The following SNX27 variants were observed in gnomAD, a reference collection of about 807,000 sequenced individuals.
SNX27 encodes sorting nexin-27.
A neutral mutation model predicts 71.6 loss-of-function variants in SNX27; 22 were observed. That is an observed-to-expected ratio of 0.31 (90% CI 0.22 to 0.44). SNX27 has a LOEUF of 0.44. SNX27 is among the 20% of genes least tolerant of loss of function. The pLI is 1.00. For synonymous variants in SNX27, 269 were observed against 277.2 expected, an observed-to-expected ratio of 0.97 and a Z score of 0.29; for missense variants, 531 against 698.6, an observed-to-expected ratio of 0.76 and a Z score of 2.70.
At chr1:151,668,361 A>C in intron 6 of SNX27, 111 bp from the exon 7 acceptor site, 1 of 971,636 alleles carries the variant, frequency 1.0e-6, no homozygotes, top group Non-Finnish European at 1.5e-6. Flanking sequence ...ATTTGAGATG[A>C]TGTTCTGGTT....
chr1:151,693,649 T>G, intron 11 of SNX27, 166 bp downstream of exon 11: 1 of 1,613,144 alleles, frequency 6.2e-7, no homozygotes. Context: ...TCCAGCAAGG[T>G]TGGCCTCTGG....
intron 2 of SNX27, among the ~76,000 whole-genome samples, chr1:151,651,045 C>T (rs974359336): frequency 3.3e-5 from 5 of 152,052 alleles, no homozygotes; most frequent in Admixed American, 1.3e-4. Context: ...CAATCTTTTC[C>T]CCACCTTTCC....
intron 1 of SNX27, among the ~76,000 whole-genome samples, chr1:151,625,399 G>A (rs1211811530): frequency 2.0e-5 from 3 of 151,882 alleles, no homozygotes; most frequent in African/African-American, 7.3e-5. Flanking sequence ...CTAACTACTG[G>A]GGAGGCTGAG....
chr1:151,648,906 A>G (rs1037968419), intron 2 of SNX27, among the ~76,000 whole-genome samples: 3 of 148,932 alleles, frequency 2.0e-5, no homozygotes, highest in Admixed American at 6.7e-5. Context: ...TATTCGAAAG[A>G]TTTTTTCAGG....
intron 7 of SNX27, among the ~76,000 whole-genome samples, chr1:151,674,674 C>G (rs1214178359): frequency 6.6e-6 from 1 of 151,682 alleles, no homozygotes; most frequent in Non-Finnish European, 1.5e-5. Flanking sequence ...AGGAAAGGAT[C>G]TCAGAATTTG....
chr1:151,634,299 G>T (rs1243121281), intron 1 of SNX27, among the ~76,000 whole-genome samples: 2 of 152,128 alleles, frequency 1.3e-5, no homozygotes, highest in South Asian at 2.1e-4. Context: ...TATTACTTTC[G>T]TGCATGTCAC....
rs1349169089 is a variant in SNX27 at position 151,641,682 on chromosome 1, CTGATATATATATCATATATA to C, written c.543+2575_543+2594del. Among the ~76,000 whole-genome samples the C allele has an allele frequency of 4.0e-5, 5 of 124,118 alleles. No individual in the cohort carries two copies. The South Asian group carries it at 7.8e-4, about 19-fold the overall frequency. The allele number at this position is 124,118 out of a possible 152,430, so 81.4% of individuals were successfully genotyped here. A position where few individuals can be genotyped will look rare whatever the true frequency, so the allele number is the denominator to read the frequency against. ...TATCAGATATATATATCATATATAT[CTGATATATATATCATATATA>C]TGATATATATAGCATATGATATATA... On this transcript the variant is annotated intron_variant, in intron 2 of 11. Transcript: ENST00000458013.
At chr1:151,641,904 G>GAT (rs1329013083) in intron 2 of SNX27, among the ~76,000 whole-genome samples, 2 of 132,470 alleles carry the variant, frequency 1.5e-5, no homozygotes, top group African/African-American at 6.0e-5. Flanking sequence ...ATATATATGA[G>GAT]ATATATATAT....
At position 151,612,880 on chromosome 1, in the gene SNX27, TACTG is replaced by T. The variant is rs1456920277; in HGVS notation, c.311+371_311+374del. ...CTCAGAAGGAACCTCATCTGCTCCT[TACTG>T]ACGGCGTTTCGTTTTCTGATCCAGC... On this transcript the variant is annotated intron_variant, in intron 1 of 11. Transcript: ENST00000458013. The surrounding 1 kb of genome is among the most constrained non-coding windows in gnomAD (Gnocchi z 5.2). Among the ~76,000 whole-genome samples the T allele has an allele frequency of 6.6e-6, 1 of 152,080 alleles. No individual in the cohort carries two copies.
chr1:151,652,083 CG>C (rs1243470969), intron 2 of SNX27, among the ~76,000 whole-genome samples: 1 of 152,012 alleles, frequency 6.6e-6, no homozygotes, highest in African/African-American at 2.4e-5. Context: ...CGCAGGCACT[CG>C]GCAGGCTGAG....
chr1:151,636,809 C>A (rs1443876941), intron 1 of SNX27, among the ~76,000 whole-genome samples: 3 of 151,760 alleles, frequency 2.0e-5, no homozygotes, highest in African/African-American at 7.3e-5. Flanking sequence ...ACTAGTAAGG[C>A]CAAATACTTA....
chr1:151,689,259 G>A (rs753630197), intron 8 of SNX27, among the ~76,000 whole-genome samples: 3 of 152,162 alleles, frequency 2.0e-5, no homozygotes, highest in East Asian at 1.9e-4. Flanking sequence ...CTAAGATGAC[G>A]TAGCTTCTCA....
At position 151,642,929 on chromosome 1, in the gene SNX27, C is replaced by T. The variant is rs186017160; in HGVS notation, c.543+3810C>T. ...TGCTGGGACTACAGGCGTGAGCCAC[C>T]GCGCCCTGCCTATTTTTTATTTTTG... On this transcript the variant is annotated intron_variant, in intron 2 of 11. Transcript: ENST00000458013. Among the ~76,000 whole-genome samples the T allele has an allele frequency of 9.5e-4, 144 of 151,824 alleles. 3 individuals are homozygous for T. The East Asian group carries it at 0.022, about 23-fold the overall frequency.
intron 2 of SNX27, among the ~76,000 whole-genome samples, chr1:151,648,003 A>C (rs1333154530): frequency 7.3e-5 from 11 of 151,510 alleles, no homozygotes; most frequent in African/African-American, 1.7e-4. Context: ...AAAAAAAAAA[A>C]CAACAAAAAA....
chr1:151,617,577 C>T (rs1426649042), intron 1 of SNX27, among the ~76,000 whole-genome samples: 1 of 152,216 alleles, frequency 6.6e-6, no homozygotes, highest in Non-Finnish European at 1.5e-5. Flanking sequence ...AGCCACTGCG[C>T]CCAGTCAGTC....
intron 2 of SNX27, among the ~76,000 whole-genome samples, chr1:151,646,662 A>G (rs1397403199): frequency 6.7e-6 from 1 of 148,210 alleles, no homozygotes; most frequent in African/African-American, 2.5e-5. Flanking sequence ...TATATCTAAT[A>G]TATCTAATTT....
intron 1 of SNX27, among the ~76,000 whole-genome samples, chr1:151,619,824 C>T (rs778266115): frequency 9.2e-5 from 14 of 152,164 alleles, no homozygotes; most frequent in Non-Finnish European, 1.6e-4. Context: ...TAAAGAACTG[C>T]TTGGCTTGTA....
Position 151,692,406 on chromosome 1 carries a change from CTTTTTTTTTTTTT to C in SNX27, c.1240-15_1240-3del, listed in dbSNP as rs61159507. 40 of 854,644 alleles carry C rather than the reference CTTTTTTTTTTTTT, an allele frequency of 4.7e-5. No individual in the cohort carries two copies. The highest frequency in any genetic ancestry group is 7.9e-4 in the Middle Eastern group (2 of 2,542). 52.9% of individuals were successfully genotyped at this position (854,644 alleles called of 1,614,324 possible). ...TAACCCTGTTTCCTGTTTCTCCTTC[CTTTTTTTTTTTTT>C]TTTTTTTTTTTTTAGTACCTCAACA... is the stretch of plus-strand genomic sequence containing the variant. On this transcript the variant is annotated splice_polypyrimidine_tract_variant and intron_variant, in intron 8 of 11. Coordinates refer to ENST00000458013, the MANE Select transcript of SNX27 (RefSeq NM_001330723.2).
chr1:151,616,254 CTTAAGG>C (rs1248569559), intron 1 of SNX27, among the ~76,000 whole-genome samples: 9 of 152,252 alleles, frequency 5.9e-5, no homozygotes, highest in South Asian at 4.1e-4. Flanking sequence ...GGTTAATTTT[CTTAAGG>C]TTAAAGTAGT....
Sources: gnomAD v4.1 joint callset for allele counts (sites outside exome capture counted in the v4.1 genomes callset) on GRCh38, gnomAD v4.1.1 for gene constraint, Gnocchi (gnomAD v3.1) non-coding constraint, MANE v1.5 for transcripts, NCBI Gene and HGNC (gene_info 2026-07-23, HGNC 2026-07-21) for gene names.